Variants in NBEAL1 observed in about 807,000 individuals in gnomAD.
NBEAL1 encodes neurobeachin like 1.
In NBEAL1, 273 loss-of-function variants were observed where a neutral mutation model predicts 351.3. The ratio of observed to expected loss-of-function variants is 0.78; its 90% CI spans 0.70 to 0.86. The LOEUF is 0.86. Ranked by LOEUF, NBEAL1 falls within the 40% of genes least tolerant of loss-of-function variation. The pLI, the probability that NBEAL1 is intolerant of heterozygous loss-of-function variation, is 0.00. For missense variants in NBEAL1, 2,961 were observed against 3,201.3 expected, an observed-to-expected ratio of 0.92 and a Z score of 1.81; for synonymous variants, 1,050 against 1,086.4, an observed-to-expected ratio of 0.97 and a Z score of 0.66.
intron 6 of NBEAL1, 38 bp downstream of exon 6, chr2:203,057,491 A>T (rs920067402): frequency 6.7e-7 from 1 of 1,498,610 alleles, no homozygotes; most frequent in South Asian, 1.2e-5. Flanking sequence ...TTAAAACCTG[A>T]ATGTCATAAT....
At chr2:203,118,292 A>G (rs2062745927) in intron 18 of NBEAL1, among the ~76,000 whole-genome samples, 1 of 151,748 alleles carries the variant, frequency 6.6e-6, no homozygotes, top group Non-Finnish European at 1.5e-5. Flanking sequence ...CATCTAATAT[A>G]TACTCTGTGT....
Position 203,083,536 on chromosome 2 carries a change from C to T in NBEAL1, c.991+11C>T, listed in dbSNP as rs985994564. The T allele has an allele frequency of 2.0e-6, 3 of 1,492,064 alleles. No homozygotes were observed. The African/African-American group carries it at 4.2e-5, about 21-fold the overall frequency. 92.4% of individuals were successfully genotyped at this position (1,492,064 alleles called of 1,614,324 possible). A position where few individuals can be genotyped will look rare whatever the true frequency, so the allele number is the denominator to read the frequency against. On this transcript the variant is annotated intron_variant, in intron 9 of 55. Transcript: ENST00000683969. ...AGATCAAAATGCTGAGTAAGTATTA[C>T]ATAATGACAACTTTTTCTGAGTCTG...
Position 203,188,535 on chromosome 2 carries a change from A to T in NBEAL1, c.6769A>T (p.Arg2257Trp), listed in dbSNP as rs1416274234. The change falls in exon 45 of 56, where the codon AGG becomes TGG. Residue 2257 changes from arginine (R) to tryptophan (W), a missense_variant. Arg to Trp is a moderately radical substitution (Grantham distance 101). Transcript: ENST00000683969. Reference protein sequence around the residue: ...WIDLIFGYKQRGPAAVEALNV... With the variant: ...WIDLIFGYKQWGPAAVEALNV... Reference sequence around the variant, plus strand: ...AGATCTGATCTTTGGCTATAAACAGAGGGGACCAGCTGCAGTAGAGGCACT... The same window carrying T: ...AGATCTGATCTTTGGCTATAAACAGTGGGGACCAGCTGCAGTAGAGGCACT... The T allele has an allele frequency of 6.2e-7, 1 of 1,610,204 alleles. No individual in the cohort carries two copies. Among genetic ancestry groups the T allele is most frequent in the African/African-American group, 1.3e-5 (1 of 74,854 alleles).
Position 203,201,573 on chromosome 2 carries a change from TC to T in NBEAL1, c.7272del (p.Leu2426Ter). On this transcript the variant is annotated frameshift_variant, in exon 50 of 56. Coordinates refer to ENST00000683969, the MANE Select transcript of NBEAL1 (RefSeq NM_001378026.1). LOFTEE classifies it high-confidence loss of function. ...TQRSINGSFA[P>X]GLEITSKLFV... ...AGCGCAGTATAAATGGTTCTTTTGC[TC>T]CCGGGCTAGAGATCACTTCTAAGCT... 1 of 1,598,944 alleles carries T rather than the reference TC, an allele frequency of 6.3e-7. No individual in the cohort carries two copies. The highest frequency in any genetic ancestry group is 8.5e-7 in the Non-Finnish European group (1 of 1,172,724).
At chr2:203,108,320 G>A in intron 14 of NBEAL1, 132 bp downstream of exon 14, 2 of 669,858 alleles carry the variant, frequency 3.0e-6, no homozygotes, top group South Asian at 4.4e-5. Context: ...TTCATCCTTA[G>A]GCTTTATACA....
intron 39 of NBEAL1, among the ~76,000 whole-genome samples, chr2:203,170,079 T>TA (rs894314806): frequency 7.2e-5 from 11 of 152,088 alleles, no homozygotes; most frequent in African/African-American, 2.7e-4. Flanking sequence ...TTTCTCTTTT[T>TA]AAAAAATAAG....
At chr2:203,025,598 C>T (rs988105983) in intron 2 of NBEAL1, among the ~76,000 whole-genome samples, 9 of 152,160 alleles carry the variant, frequency 5.9e-5, no homozygotes, top group Non-Finnish European at 2.9e-5. Context: ...CTCCTATATG[C>T]AAAATGTACT....
intron 16 of NBEAL1, 97 bp downstream of exon 16, chr2:203,112,195 G>T (rs1399494011): frequency 2.4e-5 from 31 of 1,292,422 alleles, no homozygotes; most frequent in Non-Finnish European, 3.1e-5. Context: ...GTAAATATGT[G>T]GCCCCAGATT....
chr2:203,137,118 G>T (rs1220984637), intron 29 of NBEAL1, among the ~76,000 whole-genome samples: 1 of 152,190 alleles, frequency 6.6e-6, no homozygotes, highest in Non-Finnish European at 1.5e-5. Context: ...AGAGAACGGA[G>T]TTGGGTTTTC....
chr2:203,204,324 G>GA (rs2065490554), intron 51 of NBEAL1, among the ~76,000 whole-genome samples: 1 of 125,838 alleles, frequency 7.9e-6, no homozygotes, highest in Non-Finnish European at 1.7e-5. Flanking sequence ...GGGTTTTTTG[G>GA]TTTTTTTTTT....
At chr2:203,205,239 A>G (rs184238311) in intron 51 of NBEAL1, among the ~76,000 whole-genome samples, 1 of 152,138 alleles carries the variant, frequency 6.6e-6, no homozygotes, top group Non-Finnish European at 1.5e-5. Flanking sequence ...ATTTGCAAAA[A>G]TAGTATATTT....
chr2:203,160,077 A>ATTT (rs34866290), intron 36 of NBEAL1, among the ~76,000 whole-genome samples: 1 of 127,562 alleles, frequency 7.8e-6, no homozygotes, highest in African/African-American at 2.9e-5. Context: ...GCCCCCCGCT[A>ATTT]TTTTTTTTTT....
At chr2:203,113,511 G>C (rs2062619188) in intron 17 of NBEAL1, among the ~76,000 whole-genome samples, 193 bp downstream of exon 17, 1 of 152,050 alleles carries the variant, frequency 6.6e-6, no homozygotes, top group Non-Finnish European at 1.5e-5. Context: ...TTTTTGTTTT[G>C]TAGGCATAAA....
Position 203,200,740 on chromosome 2 carries a change from G to A in NBEAL1, c.7239-803G>A, listed in dbSNP as rs562767425. 3.3e-5 allele frequency among the ~76,000 whole-genome samples: 5 copies of A among 152,224 alleles called. No homozygotes were observed. The South Asian group carries it at 1.0e-3, about 32-fold the overall frequency. On this transcript the variant is annotated intron_variant, in intron 49 of 55. Transcript: ENST00000683969. ...AAATTCAAAAATCACACTCCATGTT[G>A]AGGATCAAATTACACCATATATTTG... is the stretch of plus-strand genomic sequence containing the variant.
intron 50 of NBEAL1, 25 bp downstream of exon 50, chr2:203,201,740 A>AGC: frequency 6.5e-7 from 1 of 1,538,060 alleles, no homozygotes; most frequent in Non-Finnish European, 8.8e-7. Context: ...TTTTTCCAAA[A>AGC]ATGCTCAAAA....
rs1280238747 is a variant in NBEAL1 at position 203,221,549 on chromosome 2, TTTTG to T, written c.*4208_*4211del. Among the ~76,000 whole-genome samples the T allele has an allele frequency of 1.3e-5, 2 of 152,060 alleles. No homozygotes were observed. The highest frequency in any genetic ancestry group is 6.5e-5 in the Admixed American group (1 of 15,268). On this transcript the variant is annotated 3_prime_UTR_variant, in exon 56 of 56. Transcript: ENST00000683969. ...AATGAAACATGTTTGTTTGTTTCCT[TTTTG>T]TTTGTTTGTTTGCATCATCAGCCAT...
intron 45 of NBEAL1, among the ~76,000 whole-genome samples, chr2:203,189,404 G>A (rs2065002156): frequency 6.6e-6 from 1 of 151,748 alleles, no homozygotes. Flanking sequence ...TTTTTATCTT[G>A]TGACTGGGTC....
chr2:203,190,157 TGTACACACACACACACACAC>T (rs1322544048), intron 45 of NBEAL1, 115 bp from the exon 46 acceptor site: 6 of 402,928 alleles, frequency 1.5e-5, no homozygotes, highest in Admixed American at 1.2e-4. Flanking sequence ...AAAAGATGTG[TGTACACACACACACACACAC>T]ACACACACAC....
At chr2:203,125,554 G>A (rs1012110338) in intron 20 of NBEAL1, 34 bp downstream of exon 20, 57 of 1,340,514 alleles carry the variant, frequency 4.3e-5, no homozygotes, top group Non-Finnish European at 5.2e-5. Context: ...AATAGTCATT[G>A]AGAAATTTGA....
Sources: allele counts gnomAD v4.1 joint callset (sites outside exome capture counted in the v4.1 genomes callset), GRCh38; gene constraint gnomAD v4.1.1; transcripts MANE v1.5; gene names NCBI Gene and HGNC (gene_info 2026-07-23, HGNC 2026-07-21).